The following LRP1B variants were observed in gnomAD, a reference collection of about 807,000 sequenced individuals.
LRP1B encodes the protein LDL receptor related protein 1B.
In LRP1B, 217 loss-of-function variants were observed where a neutral mutation model predicts 556.6. That is an observed-to-expected ratio of 0.39 (90% CI 0.35 to 0.44). The LOEUF (loss-of-function observed/expected upper bound fraction) is 0.44. Ranked by LOEUF, LRP1B falls within the 20% of genes least tolerant of loss-of-function variation. The pLI is 1.00. For missense variants in LRP1B, 5,053 were observed against 5,620.8 expected, an observed-to-expected ratio of 0.90 and a Z score of 3.23; for synonymous variants, 2,047 against 1,865.8, an observed-to-expected ratio of 1.10 and a Z score of -2.50.
intron 43 of LRP1B, among the ~76,000 whole-genome samples, chr2:140,547,900 T>C (rs1474081162): frequency 4.0e-5 from 6 of 151,890 alleles, no homozygotes; most frequent in Admixed American, 1.3e-4. Flanking sequence ...ATTTGATTAT[T>C]TGGCCTCAGT....
intron 1 of LRP1B, among the ~76,000 whole-genome samples, chr2:141,997,450 C>T (rs1459500527): frequency 0.24 from 1,583 of 6,472 alleles, 23 homozygotes; most frequent in African/African-American, 0.37. Flanking sequence ...TATATACACA[C>T]ACACACACAC....
At chr2:140,601,252 G>A (rs932594744) in intron 42 of LRP1B, among the ~76,000 whole-genome samples, 198 bp downstream of exon 42, 3 of 151,818 alleles carry the variant, frequency 2.0e-5, no homozygotes, top group African/African-American at 7.3e-5. Context: ...CTCTCAGGAA[G>A]ATGAAGCCTG....
intron 7 of LRP1B, among the ~76,000 whole-genome samples, chr2:141,115,022 G>C (rs573966263): frequency 6.6e-5 from 10 of 152,162 alleles, no homozygotes; most frequent in East Asian, 3.9e-4. Flanking sequence ...CAAACATGAC[G>C]GAAAGTAAAA....
chr2:140,991,723 T>C (rs1697097864), intron 16 of LRP1B, among the ~76,000 whole-genome samples: 1 of 152,128 alleles, frequency 6.6e-6, no homozygotes, highest in Admixed American at 6.6e-5. Flanking sequence ...AATGGCTGTA[T>C]TGAGAGTCAA....
chr2:140,719,630 A>C (rs1025343491), intron 35 of LRP1B, among the ~76,000 whole-genome samples: 24 of 151,982 alleles, frequency 1.6e-4, no homozygotes, highest in African/African-American at 4.1e-4. Context: ...ATCTCACCCA[A>C]ATTTTCTCAA....
intron 2 of LRP1B, among the ~76,000 whole-genome samples, chr2:141,512,351 C>A (rs1684162498): frequency 6.6e-6 from 1 of 152,126 alleles, no homozygotes; most frequent in South Asian, 2.1e-4. Flanking sequence ...TTTCTTCTCC[C>A]TTTTGCAGCC....
Position 140,444,020 on chromosome 2 carries a change from A to T in LRP1B, c.10294+310T>A, listed in dbSNP as rs532336865. Among the ~76,000 whole-genome samples, 6 of 152,304 alleles carry T rather than the reference A, an allele frequency of 3.9e-5. No homozygotes were observed. In the East Asian group the frequency reaches 1.2e-3, roughly 29 times the overall value. ...GTATCTACTTAATATGGGCAAAAAT[A>T]AATTTAAAAAACATAATCAACTGCC... On this transcript the variant is annotated intron_variant, in intron 65 of 90. Transcript: ENST00000389484.
intron 2 of LRP1B, among the ~76,000 whole-genome samples, chr2:141,755,430 CA>C (rs1010582051): frequency 2.6e-5 from 4 of 151,750 alleles, no homozygotes; most frequent in Admixed American, 2.0e-4. Flanking sequence ...AACTAATAAT[CA>C]AAAAAGGCAA....
intron 6 of LRP1B, among the ~76,000 whole-genome samples, chr2:141,208,813 G>A (rs1218005750): frequency 7.2e-6 from 1 of 139,226 alleles, no homozygotes; most frequent in Non-Finnish European, 1.5e-5. Flanking sequence ...AGCTTACAGT[G>A]AGCTGAGATC....
intron 77 of LRP1B, among the ~76,000 whole-genome samples, chr2:140,336,336 G>A (rs1681096034): frequency 1.3e-5 from 2 of 149,334 alleles, no homozygotes; most frequent in African/African-American, 4.9e-5. Context: ...TATCCACTTG[G>A]CTTGGTTACA....
At chr2:141,217,656 C>A (rs1682869132) in intron 6 of LRP1B, among the ~76,000 whole-genome samples, 1 of 152,092 alleles carries the variant, frequency 6.6e-6, no homozygotes, top group African/African-American at 2.4e-5. Context: ...ATAGGAAATA[C>A]TTTTCTGAAC....
At chr2:141,224,745 C>T (rs1313514043) in intron 6 of LRP1B, among the ~76,000 whole-genome samples, 5 of 151,356 alleles carry the variant, frequency 3.3e-5, no homozygotes, top group African/African-American at 7.3e-5. Context: ...CATGTTCTCA[C>T]GTTCAAGTGG....
chr2:140,899,489 C>A (rs2105216748), intron 23 of LRP1B, among the ~76,000 whole-genome samples: 1 of 152,286 alleles, frequency 6.6e-6, no homozygotes, highest in African/African-American at 2.4e-5. Context: ...CATTCAGTTT[C>A]AATGTGTGAG....
At chr2:142,035,997 G>A (rs1039451567) in intron 1 of LRP1B, among the ~76,000 whole-genome samples, 3 of 151,652 alleles carry the variant, frequency 2.0e-5, no homozygotes, top group Non-Finnish European at 4.4e-5. Flanking sequence ...CACCATGTAA[G>A]AAGTGCTTTT....
At chr2:141,741,796 A>C (rs1446700118) in intron 2 of LRP1B, among the ~76,000 whole-genome samples, 1 of 152,094 alleles carries the variant, frequency 6.6e-6, no homozygotes, top group East Asian at 1.9e-4. Context: ...TTTTAACTTG[A>C]TATGATCTTC....
At chr2:140,496,279 A>T (rs1688933273) in intron 55 of LRP1B, among the ~76,000 whole-genome samples, 1 of 151,992 alleles carries the variant, frequency 6.6e-6, no homozygotes, top group South Asian at 2.1e-4. Flanking sequence ...TTTTGTACCA[A>T]TCTAATATTA....
intron 66 of LRP1B, among the ~76,000 whole-genome samples, chr2:140,415,405 A>AC (rs1685149702): frequency 6.6e-6 from 1 of 151,760 alleles, no homozygotes; most frequent in South Asian, 2.1e-4. Flanking sequence ...CTGTTCTTAC[A>AC]CCCCCTCTCC....
At chr2:141,476,338 T>C (rs1407668132) in intron 3 of LRP1B, among the ~76,000 whole-genome samples, 1 of 152,234 alleles carries the variant, frequency 6.6e-6, no homozygotes, top group African/African-American at 2.4e-5. Context: ...ACTTCTTCCA[T>C]CATTCTTTAT....
intron 3 of LRP1B, among the ~76,000 whole-genome samples, chr2:141,414,891 G>A (rs1286994177): frequency 6.6e-6 from 1 of 152,088 alleles, no homozygotes; most frequent in Non-Finnish European, 1.5e-5. Flanking sequence ...CACATATCTG[G>A]GCCTCCCAGG....
Sources: gnomAD v4.1 joint callset for allele counts (sites outside exome capture counted in the v4.1 genomes callset) on GRCh38, gnomAD v4.1.1 for gene constraint, MANE v1.5 for transcripts, NCBI Gene and HGNC (gene_info 2026-07-23, HGNC 2026-07-21) for gene names.